GALNT10: variants seen among roughly 807,000 people sequenced by gnomAD.
GALNT10 encodes the protein GalNAc transferase 10.
A neutral mutation model predicts 75.0 loss-of-function variants in GALNT10; 41 were observed. That is an observed-to-expected ratio of 0.55 (90% CI 0.43 to 0.71). GALNT10 has a LOEUF of 0.71. Ranked by LOEUF, GALNT10 falls within the 30% of genes least tolerant of loss-of-function variation. The probability of loss-of-function intolerance (pLI) is 0.00; values close to 1 mark genes in which losing one functional copy is unlikely to be tolerated. For synonymous variants in GALNT10, 302 were observed against 313.0 expected (o/e 0.96, Z 0.37); for missense variants, 727 against 818.5 (o/e 0.89, Z 1.36).
rs554236519 is a variant in GALNT10 at position 154,378,452 on chromosome 5, C to T, written c.754+1990C>T. Among the ~76,000 whole-genome samples, 11 of 152,234 alleles carry T rather than the reference C, an allele frequency of 7.2e-5. No individual in the cohort carries two copies. In the South Asian group the frequency reaches 1.0e-3, roughly 14 times the overall value. ...GGCATCATTATCCACTTTTTGCAAA[C>T]GAGAAAACTGAGAGGCACAGAGTGA... On this transcript the variant is annotated intron_variant, in intron 5 of 11. Coordinates refer to ENST00000297107, the MANE Select transcript of GALNT10 (RefSeq NM_198321.4).
intron 3 of GALNT10, among the ~76,000 whole-genome samples, chr5:154,325,810 C>G (rs528619596): frequency 6.6e-6 from 1 of 152,242 alleles, no homozygotes; most frequent in Middle Eastern, 3.4e-3. Context: ...AGATCAGGAA[C>G]AAGATAAGGA....
intron 6 of GALNT10, among the ~76,000 whole-genome samples, chr5:154,382,953 C>A (rs1260367965): frequency 1.3e-5 from 2 of 152,212 alleles, no homozygotes; most frequent in East Asian, 1.9e-4. Context: ...TGGCTCTTGA[C>A]CCTAGCCACA....
intron 6 of GALNT10, among the ~76,000 whole-genome samples, chr5:154,381,781 T>C (rs567610148): frequency 6.6e-6 from 1 of 152,346 alleles, no homozygotes; most frequent in East Asian, 1.9e-4. Context: ...TTCAGATCTC[T>C]GTTTCCTTCT....
chr5:154,324,529 A>C (rs1436678929), intron 3 of GALNT10, among the ~76,000 whole-genome samples: 3 of 152,162 alleles, frequency 2.0e-5, no homozygotes, highest in Non-Finnish European at 4.4e-5. Flanking sequence ...GCCTCCCAAG[A>C]AGCCGTCAAA....
intron 7 of GALNT10, among the ~76,000 whole-genome samples, chr5:154,397,170 A>G (rs1334249514): frequency 6.8e-6 from 1 of 147,264 alleles, no homozygotes; most frequent in Non-Finnish European, 1.5e-5. Flanking sequence ...TAAATTTAAA[A>G]CTAAAGTTGT....
At chr5:154,359,551 A>G (rs565126596) in intron 4 of GALNT10, among the ~76,000 whole-genome samples, 100 of 150,354 alleles carry the variant, frequency 6.7e-4, no homozygotes, top group African/African-American at 1.1e-3. Flanking sequence ...AAAAAAAAAA[A>G]AGAGAGAGAG....
intron 1 of GALNT10, among the ~76,000 whole-genome samples, chr5:154,266,891 C>T (rs1046145020): frequency 5.3e-5 from 8 of 152,078 alleles, no homozygotes; most frequent in Non-Finnish European, 1.0e-4. Flanking sequence ...ACAAACAGAA[C>T]TTATTCATCC....
At chr5:154,389,169 A>G (rs1755856653) in intron 7 of GALNT10, 2 of 152,024 alleles carry the variant, frequency 1.3e-5, no homozygotes, top group Non-Finnish European at 2.9e-5. Flanking sequence ...GCCTGGTCCA[A>G]CACAGAAAAG....
intron 3 of GALNT10, among the ~76,000 whole-genome samples, chr5:154,321,310 CT>C (rs34946323): frequency 1.3e-4 from 19 of 148,928 alleles, no homozygotes; most frequent in South Asian, 8.5e-4. Flanking sequence ...CTCCTCAAAA[CT>C]TTTTTTTTTT....
chr5:154,377,832 T>G (rs934696904), intron 5 of GALNT10, among the ~76,000 whole-genome samples: 2 of 152,066 alleles, frequency 1.3e-5, no homozygotes, highest in African/African-American at 2.4e-5. Context: ...ATATTCTGCA[T>G]TTACCTCTCA....
At chr5:154,308,569 GT>G (rs1166963679) in intron 3 of GALNT10, among the ~76,000 whole-genome samples, 5 of 152,234 alleles carry the variant, frequency 3.3e-5, no homozygotes, top group Admixed American at 6.5e-5. Flanking sequence ...AGGAGAAGCT[GT>G]TGGCAGAGCT....
intron 1 of GALNT10, among the ~76,000 whole-genome samples, chr5:154,197,371 C>T (rs1299337541): frequency 6.6e-6 from 1 of 152,134 alleles, no homozygotes; most frequent in African/African-American, 2.4e-5. Context: ...GCCTGGCCCT[C>T]TTAGCTGGAG....
In GALNT10 at chr5:154,378,317, T is replaced by TATCGTC. The variant is rs1554100935; in HGVS notation, c.754+1858_754+1859insGTCATC. Among the ~76,000 whole-genome samples the TATCGTC allele has an allele frequency of 2.7e-5, 4 of 150,882 alleles. No homozygotes were observed. In the East Asian group the frequency reaches 7.9e-4, roughly 30 times the overall value. On this transcript the variant is annotated intron_variant, in intron 5 of 11. Coordinates refer to ENST00000297107, the MANE Select transcript of GALNT10 (RefSeq NM_198321.4). The stretch of plus-strand genomic sequence containing the variant: ...CACTGTTGATCATCATTTCCTTTTT[T>TATCGTC]ATCATCATCATCATCATCATCATCA...
chr5:154,291,430 G>A (rs58724189), intron 1 of GALNT10, among the ~76,000 whole-genome samples: 16,767 of 152,148 alleles, frequency 0.11, 1,096 homozygotes, highest in African/African-American at 0.19. Context: ...GACCTACTGT[G>A]CCAGAATCAG....
At position 154,217,268 on chromosome 5, in the gene GALNT10, G is replaced by A. The variant is rs112138966; in HGVS notation, c.159+26243G>A. Among the ~76,000 whole-genome samples the A allele has an allele frequency of 4.1e-3, 626 of 152,122 alleles. 8 individuals are homozygous for A. The highest frequency in any genetic ancestry group is 0.014 in the African/African-American group (599 of 41,498). ...ATTTTTGTGCGCTACAGTGGCTTCC[G>A]CCTAAAGCCTTGTTTGCCCTCTGAG... is the stretch of plus-strand genomic sequence containing the variant. On this transcript the variant is annotated intron_variant, in intron 1 of 11. Coordinates refer to ENST00000297107, the MANE Select transcript of GALNT10 (RefSeq NM_198321.4).
At chr5:154,404,868 A>G (rs1201782545) in intron 8 of GALNT10, among the ~76,000 whole-genome samples, 1 of 152,162 alleles carries the variant, frequency 6.6e-6, no homozygotes, top group Admixed American at 6.5e-5. Flanking sequence ...AAACTGTTTC[A>G]TTGCCTTAAA....
intron 1 of GALNT10, among the ~76,000 whole-genome samples, chr5:154,195,046 A>G (rs776301863): frequency 3.3e-5 from 5 of 152,266 alleles, no homozygotes; most frequent in African/African-American, 4.8e-5. Context: ...AAGGATGTTC[A>G]GCCTTTGATC....
chr5:154,224,412 T>C (rs1212595279), intron 1 of GALNT10, among the ~76,000 whole-genome samples: 1 of 152,238 alleles, frequency 6.6e-6, no homozygotes, highest in African/African-American at 2.4e-5. Flanking sequence ...GCTTCCTCCT[T>C]CTTCCTCGTC....
chr5:154,384,181 A>G (rs191928476), intron 6 of GALNT10, among the ~76,000 whole-genome samples: 3 of 152,272 alleles, frequency 2.0e-5, no homozygotes, highest in Non-Finnish European at 2.9e-5. Context: ...GGATTACGGT[A>G]ACTACAGTTC....
Sources: gnomAD v4.1 joint callset for allele counts (sites outside exome capture counted in the v4.1 genomes callset) on GRCh38, gnomAD v4.1.1 for gene constraint, MANE v1.5 for transcripts, NCBI Gene and HGNC (gene_info 2026-07-23, HGNC 2026-07-21) for gene names.